Variants in CEMIP2 observed in about 807,000 individuals in gnomAD.
CEMIP2 encodes cell surface hyaluronidase CEMIP2.
Under a neutral mutation model 146.9 loss-of-function variants are expected in CEMIP2, and 79 were observed. The observed-to-expected ratio is 0.54, with a 90% CI of 0.45 to 0.65. CEMIP2 has a LOEUF of 0.65. Ranked by LOEUF, CEMIP2 falls within the 30% of genes least tolerant of loss-of-function variation. The probability of loss-of-function intolerance (pLI) is 0.00; values close to 1 mark genes in which losing one functional copy is unlikely to be tolerated. For synonymous variants in CEMIP2, 601 were observed against 606.3 expected, an observed-to-expected ratio of 0.99 and a Z score of 0.13; for missense variants, 1,596 against 1,696.2, an observed-to-expected ratio of 0.94 and a Z score of 1.04.
At chr9:71,716,417 TA>T (rs1263682697) in intron 14 of CEMIP2, 99 bp downstream of exon 14, 308 of 1,031,130 alleles carry the variant, frequency 3.0e-4, no homozygotes, top group Middle Eastern at 4.9e-4. Flanking sequence ...TTTTTTATGT[TA>T]AAAAAAATAA....
chr9:71,716,078 C>T (rs908692128), intron 14 of CEMIP2, among the ~76,000 whole-genome samples: 2 of 152,074 alleles, frequency 1.3e-5, no homozygotes, highest in African/African-American at 4.8e-5. Flanking sequence ...GCATATTTAA[C>T]ATGACAACTA....
intron 18 of CEMIP2, among the ~76,000 whole-genome samples, chr9:71,702,130 C>T (rs560119453): frequency 3.8e-4 from 58 of 151,976 alleles, no homozygotes; most frequent in African/African-American, 9.2e-4. Context: ...TGGTGGCATA[C>T]GCCTGTAGTC....
intron 5 of CEMIP2, among the ~76,000 whole-genome samples, chr9:71,736,964 C>A (rs1823777426): frequency 6.6e-6 from 1 of 151,748 alleles, no homozygotes; most frequent in African/African-American, 2.4e-5. Context: ...TCACTGAGTC[C>A]AGGAGACCAG....
chr9:71,728,139 G>C (rs1307444437), intron 10 of CEMIP2, among the ~76,000 whole-genome samples: 2 of 147,838 alleles, frequency 1.4e-5, no homozygotes, highest in Non-Finnish European at 3.0e-5. Context: ...GCTAAGGCAG[G>C]TGGATAGCTT....
At chr9:71,724,006 A>G (rs549829691) in intron 11 of CEMIP2, among the ~76,000 whole-genome samples, 2 of 152,298 alleles carry the variant, frequency 1.3e-5, no homozygotes, top group African/African-American at 4.8e-5. Context: ...TTAAAAATCA[A>G]TTAGAATGGG....
intron 1 of CEMIP2, among the ~76,000 whole-genome samples, chr9:71,756,178 T>C (rs1824436074): frequency 8.8e-6 from 1 of 113,272 alleles, no homozygotes; most frequent in Admixed American, 9.3e-5. Flanking sequence ...TGCCAAGGAA[T>C]TAAGCAAAAA....
intron 4 of CEMIP2, among the ~76,000 whole-genome samples, chr9:71,741,940 C>T (rs1048291735): frequency 1.3e-5 from 2 of 152,110 alleles, no homozygotes; most frequent in African/African-American, 2.4e-5. Context: ...GCCACCACAC[C>T]CGGCCTAAAA....
chr9:71,765,908 A>G (rs181582634), intron 1 of CEMIP2, among the ~76,000 whole-genome samples: 270 of 152,222 alleles, frequency 1.8e-3, no homozygotes, highest in African/African-American at 5.7e-3. Flanking sequence ...CTGGACCACA[A>G]TAGGTGATTA....
intron 20 of CEMIP2, among the ~76,000 whole-genome samples, chr9:71,697,457 C>CT (rs944560589): frequency 1.3e-4 from 20 of 151,080 alleles, no homozygotes; most frequent in East Asian, 7.8e-4. Flanking sequence ...TCAGTCGGTA[C>CT]TTTTTTTTTA....
At chr9:71,716,476 A>AAAGCTTTAAAATAAGTAAGTATTTTT in intron 14 of CEMIP2, 41 bp downstream of exon 14, 2 of 1,494,118 alleles carry the variant, frequency 1.3e-6, no homozygotes, top group Non-Finnish European at 9.1e-7. Flanking sequence ...GGGTTATTTT[A>AAAGCTTTAAAATAAGTAAGTATTTTT]AAGCTTTAAA....
Position 71,740,224 on chromosome 9 carries a change from C to T in CEMIP2, c.1043G>A (p.Trp348Ter), listed in dbSNP as rs1823875723. The T allele has an allele frequency of 6.2e-7, 1 of 1,613,162 alleles. No homozygotes were observed. The highest frequency in any genetic ancestry group is 1.7e-5 in the Admixed American group (1 of 59,984). The change falls in exon 5 of 24, where the codon TGG (tryptophan) becomes TAG (stop). Residue 348 changes from tryptophan (W) to a stop codon, truncating the protein, a stop_gained. Coordinates refer to ENST00000377044, the MANE Select transcript of CEMIP2 (RefSeq NM_013390.3). LOFTEE classifies it high-confidence loss of function. ...LIQGLGYRQA[W>*]ALVGVIDGGS... ...ACCATCAATGACACCAACTAAAGCC[C>T]AAGCTTGCCTAGAAGGAAAAAGAGC...
chr9:71,691,820 A>G (rs1206368049), intron 21 of CEMIP2, among the ~76,000 whole-genome samples: 3 of 152,074 alleles, frequency 2.0e-5, no homozygotes. Flanking sequence ...AAAAGCCCCA[A>G]AGCAGCTGGG....
intron 4 of CEMIP2, among the ~76,000 whole-genome samples, chr9:71,740,468 G>A (rs552603436): frequency 2.0e-5 from 3 of 152,166 alleles, no homozygotes; most frequent in South Asian, 2.1e-4. Flanking sequence ...GTGAAAGACC[G>A]ATGACTACAA....
In CEMIP2 at chr9:71,684,347, G is replaced by T. The variant is rs1821992272; in HGVS notation, c.*850C>A. On this transcript the variant is annotated 3_prime_UTR_variant, in exon 24 of 24. Coordinates refer to ENST00000377044, the MANE Select transcript of CEMIP2 (RefSeq NM_013390.3). ...CTTTGTGCAAGTTAAAATGATACAA[G>T]TTTACGGTTCAGGAAAACAACCTAC... 1 of 152,484 alleles carries T rather than the reference G, an allele frequency of 6.6e-6. No homozygotes were observed. The highest frequency in any genetic ancestry group is 6.5e-5 in the Admixed American group (1 of 15,276). The allele number at this position is 152,484 out of a possible 1,614,324, so 9.4% of individuals were successfully genotyped here.
intron 1 of CEMIP2, among the ~76,000 whole-genome samples, chr9:71,754,602 C>T (rs1824367787): frequency 6.6e-6 from 1 of 152,110 alleles, no homozygotes; most frequent in Non-Finnish European, 1.5e-5. Context: ...TAAAATAAGA[C>T]AGATAATCCA....
intron 20 of CEMIP2, among the ~76,000 whole-genome samples, chr9:71,696,706 G>C (rs1196088053): frequency 6.6e-6 from 1 of 152,078 alleles, no homozygotes; most frequent in African/African-American, 2.4e-5. Flanking sequence ...GGGAGGCAAA[G>C]TTGCAGTGAG....
In CEMIP2 at chr9:71,730,687, T is replaced by C; in HGVS notation, c.1773+18A>G. ...ACTATTTCAATAATATGGGTTGACC[T>C]AATGCGAGGCTACTTACTAGCAAGC... On this transcript the variant is annotated intron_variant, in intron 8 of 23. Transcript: ENST00000377044. 2 of 1,613,062 alleles carry C rather than the reference T, an allele frequency of 1.2e-6. No individual in the cohort carries two copies. The highest frequency in any genetic ancestry group is 1.7e-6 in the Non-Finnish European group (2 of 1,179,136).
rs946716945 is a variant in CEMIP2 at position 71,729,988 on chromosome 9, C to T, written c.1979+60G>A. ...TGCCCACTAAAAACTTCCCCCAAAA[C>T]CTCTTCCCCAAAAGTCAAAGGCCCT... On this transcript the variant is annotated intron_variant, in intron 9 of 23. Transcript: ENST00000377044. 29 of 1,612,918 alleles carry T rather than the reference C, an allele frequency of 1.8e-5. No individual in the cohort carries two copies. In the African/African-American group the frequency reaches 3.7e-4, roughly 21 times the overall value.
intron 12 of CEMIP2, among the ~76,000 whole-genome samples, chr9:71,721,229 A>G (rs1823222198): frequency 6.6e-6 from 1 of 152,146 alleles, no homozygotes; most frequent in Non-Finnish European, 1.5e-5. Flanking sequence ...ATTATAATAA[A>G]CTCTTCAAAG....
Sources: allele counts gnomAD v4.1 joint callset (sites outside exome capture counted in the v4.1 genomes callset), GRCh38; gene constraint gnomAD v4.1.1; transcripts MANE v1.5; gene names NCBI Gene and HGNC (gene_info 2026-07-23, HGNC 2026-07-21).